The following DPYD variants were observed in gnomAD, a reference collection of about 807,000 sequenced individuals.
The protein encoded by DPYD is dihydropyrimidine dehydrogenase [NADP(+)].
DPYD carries 109 observed loss-of-function variants against 116.2 expected under a neutral mutation model. The observed-to-expected ratio is 0.94, with a 90% CI of 0.80 to 1.10. The LOEUF is 1.10. DPYD is among the 50% of genes least tolerant of loss of function. The pLI is 0.00. For missense variants in DPYD, 1,302 were observed against 1,254.5 expected, an observed-to-expected ratio of 1.04 and a Z score of -0.57; for synonymous variants, 440 against 432.0, an observed-to-expected ratio of 1.02 and a Z score of -0.23.
At chr1:97,716,232 TA>T (rs1298402655) in intron 5 of DPYD, among the ~76,000 whole-genome samples, 1 of 152,102 alleles carries the variant, frequency 6.6e-6, no homozygotes, top group Admixed American at 6.6e-5. Flanking sequence ...AATAAATGTT[TA>T]CAGTCCCTTG....
chr1:97,223,576 T>C (rs887266445), intron 19 of DPYD, among the ~76,000 whole-genome samples: 11 of 151,998 alleles, frequency 7.2e-5, no homozygotes, highest in Admixed American at 6.6e-4. Flanking sequence ...CCTACAGTCA[T>C]TCAGTGAAAA....
At chr1:97,848,978 G>A (rs1331144596) in intron 2 of DPYD, among the ~76,000 whole-genome samples, 4 of 152,106 alleles carry the variant, frequency 2.6e-5, no homozygotes, top group Middle Eastern at 3.4e-3. Flanking sequence ...TCTTAAATAC[G>A]TGAAATGATA....
At chr1:97,361,781 T>C (rs1258724172) in intron 16 of DPYD, among the ~76,000 whole-genome samples, 2 of 152,190 alleles carry the variant, frequency 1.3e-5, no homozygotes, top group Admixed American at 1.3e-4. Flanking sequence ...TCTCAATAAA[T>C]TAGGTATTGA....
intron 20 of DPYD, among the ~76,000 whole-genome samples, chr1:97,126,901 C>G (rs1290091122): frequency 6.6e-6 from 1 of 152,100 alleles, no homozygotes; most frequent in Non-Finnish European, 1.5e-5. Flanking sequence ...GACTTTTGTA[C>G]CTTGCTCTGC....
At chr1:97,813,066 A>G (rs1378017611) in intron 3 of DPYD, among the ~76,000 whole-genome samples, 1 of 152,166 alleles carries the variant, frequency 6.6e-6, no homozygotes, top group African/African-American at 2.4e-5. Context: ...ACAAGGAACA[A>G]CTTTCAGACT....
At chr1:97,725,430 T>C (rs1003221358) in intron 4 of DPYD, among the ~76,000 whole-genome samples, 1 of 151,494 alleles carries the variant, frequency 6.6e-6, no homozygotes, top group Non-Finnish European at 1.5e-5. Flanking sequence ...CCAGCTGAGT[T>C]TGCAAAAATT....
chr1:97,192,547 A>G (rs1301453090), intron 20 of DPYD, among the ~76,000 whole-genome samples: 2 of 152,198 alleles, frequency 1.3e-5, no homozygotes, highest in Non-Finnish European at 2.9e-5. Context: ...GAAAACGTAA[A>G]TGTAGTGTAT....
intron 16 of DPYD, among the ~76,000 whole-genome samples, chr1:97,332,848 G>T (rs1338194310): frequency 6.6e-6 from 1 of 152,074 alleles, no homozygotes; most frequent in Non-Finnish European, 1.5e-5. Context: ...TTTGTGAATG[G>T]TTGTAAAGAA....
chr1:97,484,121 A>G (rs997962706), intron 13 of DPYD, among the ~76,000 whole-genome samples: 2 of 152,198 alleles, frequency 1.3e-5, no homozygotes, highest in Non-Finnish European at 2.9e-5. Flanking sequence ...CCTGGCCAAC[A>G]TGGCAAAACC....
chr1:97,272,993 C>A (rs1664693774), intron 18 of DPYD, among the ~76,000 whole-genome samples: 1 of 151,974 alleles, frequency 6.6e-6, no homozygotes, highest in African/African-American at 2.4e-5. Flanking sequence ...AGTCAATGTA[C>A]AAAACTTTCA....
rs543265888 is a variant in DPYD, at chr1:97,901,002, C to T, written c.40-17628G>A. Among the ~76,000 whole-genome samples the T allele has an allele frequency of 2.3e-3, 352 of 151,364 alleles. 6 individuals carry two copies. Among genetic ancestry groups the T allele is most frequent in the Non-Finnish European group, 2.1e-3 (139 of 67,742 alleles). Reference sequence around the variant, plus strand: ...TCAAAATTTTATAATGTCTTTTATTCGAAAAAAATTATATTAAAAAATGAT... The same window carrying T: ...TCAAAATTTTATAATGTCTTTTATTTGAAAAAAATTATATTAAAAAATGAT... On this transcript the variant is annotated intron_variant, in intron 1 of 22. Transcript: ENST00000370192.
At chr1:97,617,281 T>C (rs886493323) in intron 8 of DPYD, among the ~76,000 whole-genome samples, 1 of 152,130 alleles carries the variant, frequency 6.6e-6, no homozygotes, top group Non-Finnish European at 1.5e-5. Context: ...AAAATGTCTA[T>C]ACAAAAACAC....
At chr1:97,568,385 G>A (rs2102162498) in intron 11 of DPYD, among the ~76,000 whole-genome samples, 1 of 152,116 alleles carries the variant, frequency 6.6e-6, no homozygotes, top group South Asian at 2.1e-4. Flanking sequence ...ATATGTAAAT[G>A]ATTTACATAT....
chr1:97,360,613 C>A (rs944395751), intron 16 of DPYD, among the ~76,000 whole-genome samples: 2 of 152,300 alleles, frequency 1.3e-5, no homozygotes, highest in Middle Eastern at 3.4e-3. Context: ...TCTCTCAGAC[C>A]ACAGTGCAAT....
At chr1:97,371,795 T>G (rs937282151) in intron 16 of DPYD, among the ~76,000 whole-genome samples, 4 of 152,212 alleles carry the variant, frequency 2.6e-5, no homozygotes, top group Non-Finnish European at 5.9e-5. Flanking sequence ...TTGGCTGATA[T>G]GAAGAATTGG....
intron 3 of DPYD, among the ~76,000 whole-genome samples, chr1:97,787,100 T>A (rs544921594): frequency 1.3e-5 from 2 of 152,294 alleles, no homozygotes; most frequent in East Asian, 3.9e-4. Flanking sequence ...AATTGAACAT[T>A]TGGTCAATTA....
intron 8 of DPYD, among the ~76,000 whole-genome samples, chr1:97,671,778 CAG>C (rs1339746129): frequency 1.3e-5 from 2 of 151,896 alleles, no homozygotes; most frequent in African/African-American, 4.8e-5. Context: ...GTGTGGGTGA[CAG>C]GGGAGGGATA....
At chr1:97,344,184 A>T (rs2101256877) in intron 16 of DPYD, among the ~76,000 whole-genome samples, 1 of 151,934 alleles carries the variant, frequency 6.6e-6, no homozygotes, top group Non-Finnish European at 1.5e-5. Context: ...TTAAAAATAA[A>T]AAAAAGAGAG....
chr1:97,207,092 A>T (rs976092219), intron 19 of DPYD, among the ~76,000 whole-genome samples: 1 of 152,098 alleles, frequency 6.6e-6, no homozygotes. Flanking sequence ...TACCACATAA[A>T]GATCTTTGCC....
Sources: gnomAD v4.1 joint callset for allele counts (sites outside exome capture counted in the v4.1 genomes callset) on GRCh38, gnomAD v4.1.1 for gene constraint, MANE v1.5 for transcripts, NCBI Gene and HGNC (gene_info 2026-07-23, HGNC 2026-07-21) for gene names.